RAB27A: variants seen among roughly 807,000 people sequenced by gnomAD.
RAB27A encodes the protein RAB27A, member RAS oncogene family, also known as ras-related protein Rab-27A.
A neutral mutation model predicts 20.8 loss-of-function variants in RAB27A; 17 were observed. That is an observed-to-expected ratio of 0.82 (90% CI 0.56 to 1.23). RAB27A has a LOEUF of 1.23. RAB27A is among the 50% of genes most tolerant of loss of function. RAB27A has a pLI of 0.00. For missense variants in RAB27A, 277 were observed against 266.7 expected (o/e 1.04, Z -0.27); for synonymous variants, 85 against 92.8 (o/e 0.92, Z 0.48).
chr15:55,239,514 G>A (rs574338810), intron 2 of RAB27A, among the ~76,000 whole-genome samples: 2 of 152,186 alleles, frequency 1.3e-5, no homozygotes, highest in African/African-American at 2.4e-5. Context: ...GTATGTGTTC[G>A]AGTACAGTAA....
chr15:55,270,677 C>G (rs1464900921), intron 1 of RAB27A: 1 of 152,128 alleles, frequency 6.6e-6, no homozygotes, highest in Non-Finnish European at 1.5e-5. Context: ...TTGTTGCTTA[C>G]AAATACAATG....
At chr15:55,279,546 G>C (rs1897960470) in intron 1 of RAB27A, among the ~76,000 whole-genome samples, 1 of 152,182 alleles carries the variant, frequency 6.6e-6, no homozygotes, top group Non-Finnish European at 1.5e-5. Context: ...TAGGCAAATA[G>C]CCTGTACATC....
intron 2 of RAB27A, among the ~76,000 whole-genome samples, chr15:55,267,417 G>A (rs1313957166): frequency 2.6e-5 from 4 of 152,148 alleles, no homozygotes; most frequent in Non-Finnish European, 1.5e-5. Context: ...TTCTCAAGCA[G>A]CACCCCATCT....
chr15:55,310,479 A>T (rs1056641296), intron 2 of RAB27A, among the ~76,000 whole-genome samples: 1 of 152,152 alleles, frequency 6.6e-6, no homozygotes, highest in Non-Finnish European at 1.5e-5. Flanking sequence ...TTCCCTTGAC[A>T]TAAGGGGCAT....
chr15:55,255,141 A>G (rs1012641493), intron 2 of RAB27A, among the ~76,000 whole-genome samples: 1 of 152,144 alleles, frequency 6.6e-6, no homozygotes, highest in Non-Finnish European at 1.5e-5. Context: ...GGGAAGAGAA[A>G]GTTGTTTCAA....
At chr15:55,265,727 C>T (rs889684298) in intron 2 of RAB27A, among the ~76,000 whole-genome samples, 4 of 151,558 alleles carry the variant, frequency 2.6e-5, no homozygotes, top group Non-Finnish European at 2.9e-5. Flanking sequence ...TGAGGGTTTG[C>T]GCTTGCAAAG....
intron 1 of RAB27A, among the ~76,000 whole-genome samples, chr15:55,315,543 A>T (rs2055039317): frequency 6.6e-6 from 1 of 152,222 alleles, no homozygotes; most frequent in Non-Finnish European, 1.5e-5. Context: ...TCTACAAGGG[A>T]CTTAAACAAA....
At chr15:55,215,492 A>T (rs1895241170) in intron 6 of RAB27A, among the ~76,000 whole-genome samples, 1 of 150,880 alleles carries the variant, frequency 6.6e-6, no homozygotes, top group Non-Finnish European at 1.5e-5. Context: ...CTCTACTAAA[A>T]ATACAAAAAA....
intron 2 of RAB27A, among the ~76,000 whole-genome samples, chr15:55,256,754 A>G (rs1174932467): frequency 6.6e-6 from 1 of 152,212 alleles, no homozygotes; most frequent in African/African-American, 2.4e-5. Context: ...ATCTGTTTAG[A>G]CCCAGGATAG....
rs1192351378 is a variant in RAB27A, at chr15:55,234,896, T to C, written c.39A>G (p.Leu13=). The change falls in exon 3 of 7, where the codon TTA becomes TTG. Residue 13 remains leucine (L), a synonymous_variant. Coordinates refer to ENST00000336787, the MANE Select transcript of RAB27A (RefSeq NM_183235.3). ...DGDYDYLIKF[L]ALGDSGVGKT... ...TCCCTACACCAGAGTCTCCCAAAGC[T>C]AAAAACTTGATGAGGTAATCATAAT... 2 of 1,612,848 alleles carry C rather than the reference T, an allele frequency of 1.2e-6. No homozygotes were observed. The highest frequency in any genetic ancestry group is 2.7e-5 in the African/African-American group (2 of 74,866).
intron 2 of RAB27A, among the ~76,000 whole-genome samples, chr15:55,307,987 T>A (rs1170453112): frequency 6.6e-6 from 1 of 152,156 alleles, no homozygotes; most frequent in African/African-American, 2.4e-5. Context: ...TTTTCCTTCT[T>A]CAGTGGCTAG....
chr15:55,224,137 G>T, intron 5 of RAB27A, 125 bp from the exon 6 acceptor site: 1 of 717,986 alleles, frequency 1.4e-6, no homozygotes, highest in Non-Finnish European at 2.3e-6. Flanking sequence ...TTGACATAAT[G>T]CTTTCAAAGC....
intron 2 of RAB27A, among the ~76,000 whole-genome samples, chr15:55,262,024 G>A (rs1190458277): frequency 4.8e-5 from 7 of 147,270 alleles, no homozygotes; most frequent in Non-Finnish European, 7.4e-5. Flanking sequence ...GTGACAGGGC[G>A]AGACTCCATC....
At chr15:55,279,859 C>T (rs938862566) in intron 1 of RAB27A, among the ~76,000 whole-genome samples, 5 of 152,094 alleles carry the variant, frequency 3.3e-5, no homozygotes, top group Admixed American at 6.5e-5. Context: ...CTACAAAGGC[C>T]GAGGTCAGCA....
chr15:55,234,635 G>T, intron 3 of RAB27A, 147 bp downstream of exon 3: 1 of 841,232 alleles, frequency 1.2e-6, no homozygotes, highest in Non-Finnish European at 1.9e-6. Flanking sequence ...CAATCATGTT[G>T]CCTGGATTGA....
chr15:55,293,220 G>A (rs1463105950), upstream of RAB27A, among the ~76,000 whole-genome samples: 2 of 152,086 alleles, frequency 1.3e-5, no homozygotes, highest in African/African-American at 4.8e-5. Context: ...ATATATGTAT[G>A]TGTATATGTA....
chr15:55,277,225 A>G (rs1897898653), intron 1 of RAB27A, among the ~76,000 whole-genome samples: 1 of 152,224 alleles, frequency 6.6e-6, no homozygotes, highest in South Asian at 2.1e-4. Context: ...TGTCATTTAG[A>G]GACTAGATGT....
intron 2 of RAB27A, among the ~76,000 whole-genome samples, chr15:55,269,306 G>T (rs1285048682): frequency 6.6e-6 from 1 of 152,062 alleles, no homozygotes; most frequent in East Asian, 1.9e-4. Flanking sequence ...ACTTCATTTC[G>T]TATTTCTAAA....
At chr15:55,263,484 T>C (rs1363782496) in intron 2 of RAB27A, among the ~76,000 whole-genome samples, 4 of 152,220 alleles carry the variant, frequency 2.6e-5, no homozygotes, top group Non-Finnish European at 4.4e-5. Context: ...GAAAATGCAT[T>C]AGCTATCATC....
Sources: gnomAD v4.1 joint callset for allele counts (sites outside exome capture counted in the v4.1 genomes callset) on GRCh38, gnomAD v4.1.1 for gene constraint, MANE v1.5 for transcripts, NCBI Gene and HGNC (gene_info 2026-07-23, HGNC 2026-07-21) for gene names.